SPECC1: variants seen among roughly 807,000 people sequenced by gnomAD.
SPECC1 encodes cytospin-B.
Under a neutral mutation model 104.1 loss-of-function variants are expected in SPECC1, and 62 were observed. The observed-to-expected ratio is 0.60, with a 90% CI of 0.49 to 0.74. The LOEUF (loss-of-function observed/expected upper bound fraction) is 0.74, where lower values mean the gene tolerates loss of function less well. SPECC1 is among the 30% of genes least tolerant of loss of function. The pLI is 0.00. For missense variants in SPECC1, 1,306 were observed against 1,310.5 expected (o/e 1.00, Z 0.05); for synonymous variants, 513 against 501.6 (o/e 1.02, Z -0.30).
intron 4 of SPECC1, among the ~76,000 whole-genome samples, chr17:20,207,593 AT>A (rs918531860): frequency 6.6e-6 from 1 of 152,146 alleles, no homozygotes; most frequent in Non-Finnish European, 1.5e-5. Flanking sequence ...AAAATAGCTT[AT>A]TTTTTTCTGA....
intron 3 of SPECC1, among the ~76,000 whole-genome samples, chr17:20,171,519 T>C (rs1209061543): frequency 6.6e-6 from 1 of 152,170 alleles, no homozygotes; most frequent in Non-Finnish European, 1.5e-5. Flanking sequence ...ACATGCCTTT[T>C]TCATTTACTG....
chr17:20,171,660 G>A (rs1567900101), intron 3 of SPECC1, among the ~76,000 whole-genome samples: 1 of 152,024 alleles, frequency 6.6e-6, no homozygotes, highest in Non-Finnish European at 1.5e-5. Flanking sequence ...TGATCCTCCT[G>A]CCTCAACCTC....
intron 4 of SPECC1, among the ~76,000 whole-genome samples, chr17:20,216,064 C>T (rs2037469796): frequency 1.3e-5 from 2 of 152,178 alleles, no homozygotes; most frequent in African/African-American, 4.8e-5. Context: ...ATTCACTTTA[C>T]AGATTAACAT....
chr17:20,118,218 G>A (rs997501588), intron 3 of SPECC1, among the ~76,000 whole-genome samples: 4 of 152,138 alleles, frequency 2.6e-5, no homozygotes, highest in African/African-American at 9.7e-5. Flanking sequence ...GTGTCATTAA[G>A]GGTGTAAAGA....
chr17:20,252,369 A>G (rs1288609460), intron 9 of SPECC1, among the ~76,000 whole-genome samples: 1 of 152,128 alleles, frequency 6.6e-6, no homozygotes, highest in Admixed American at 6.5e-5. Context: ...TGATCCCATC[A>G]CCCAAGTAGT....
intron 3 of SPECC1, among the ~76,000 whole-genome samples, chr17:20,121,159 C>G (rs919600867): frequency 1.3e-5 from 2 of 152,120 alleles, no homozygotes; most frequent in Non-Finnish European, 2.9e-5. Context: ...GCTGCTGTCT[C>G]TATTCATGCT....
intron 4 of SPECC1, among the ~76,000 whole-genome samples, chr17:20,210,903 G>A (rs1317051629): frequency 6.6e-6 from 1 of 152,152 alleles, no homozygotes; most frequent in Non-Finnish European, 1.5e-5. Context: ...TGCTCAGGGG[G>A]TTTTCTCGGC....
At chr17:20,080,922 G>A (rs1036968251) in intron 1 of SPECC1, among the ~76,000 whole-genome samples, 36 of 152,110 alleles carry the variant, frequency 2.4e-4, no homozygotes, top group Non-Finnish European at 3.2e-4. Context: ...CCTTCTTGCC[G>A]GCGTCACCCC....
chr17:20,290,627 T>C (rs6587063), intron 12 of SPECC1, among the ~76,000 whole-genome samples: 107,758 of 152,050 alleles, frequency 0.71, 39,986 homozygotes, highest in East Asian at 0.99. Flanking sequence ...CAATTCTCCC[T>C]CTTCAGCCTC....
At chr17:20,253,745 A>G (rs1479843915) in intron 10 of SPECC1, among the ~76,000 whole-genome samples, 159 bp downstream of exon 10, 1 of 152,232 alleles carries the variant, frequency 6.6e-6, no homozygotes, top group Non-Finnish European at 1.5e-5. Flanking sequence ...TGTTAGATGC[A>G]GCAGTGCAGC....
At chr17:20,313,893 C>T (rs1464163371) in intron 14 of SPECC1, 83 bp from the exon 15 acceptor site, 3 of 1,309,546 alleles carry the variant, frequency 2.3e-6, no homozygotes, top group Admixed American at 1.9e-5. Flanking sequence ...CAGTGTAAGC[C>T]CTAACCTGGA....
intron 4 of SPECC1, among the ~76,000 whole-genome samples, chr17:20,210,718 A>C (rs906162548): frequency 2.0e-5 from 3 of 152,170 alleles, no homozygotes; most frequent in Non-Finnish European, 4.4e-5. Flanking sequence ...CAAAGTACTC[A>C]CAGTGATCTG....
intron 1 of SPECC1, among the ~76,000 whole-genome samples, chr17:20,043,433 T>G (rs990624170): frequency 2.0e-5 from 3 of 152,252 alleles, no homozygotes; most frequent in Admixed American, 2.0e-4. Flanking sequence ...TCCTTTACAT[T>G]TATTAGCTGG....
At chr17:20,209,673 A>C (rs1277444780) in intron 4 of SPECC1, among the ~76,000 whole-genome samples, 1 of 152,108 alleles carries the variant, frequency 6.6e-6, no homozygotes, top group African/African-American at 2.4e-5. Context: ...ATACTTCTGT[A>C]CAACTTTGAG....
intron 3 of SPECC1, among the ~76,000 whole-genome samples, chr17:20,193,059 T>G (rs980925854): frequency 2.0e-5 from 3 of 152,196 alleles, no homozygotes; most frequent in Non-Finnish European, 4.4e-5. Context: ...TGGTTATTTT[T>G]TAATGATATG....
intron 3 of SPECC1, among the ~76,000 whole-genome samples, chr17:20,196,244 C>A (rs1208430465): frequency 6.6e-6 from 1 of 152,228 alleles, no homozygotes; most frequent in African/African-American, 2.4e-5. Context: ...CTTCAATAGT[C>A]TCAATTACAT....
intron 1 of SPECC1, chr17:20,017,996 G>T (rs563978031): frequency 3.9e-4 from 60 of 152,602 alleles, no homozygotes; most frequent in African/African-American, 1.4e-3. Flanking sequence ...GGCGTAGCGT[G>T]CCTCCTGTGA....
At chr17:20,027,343 G>T (rs1254426670) in intron 1 of SPECC1, among the ~76,000 whole-genome samples, 2 of 152,114 alleles carry the variant, frequency 1.3e-5, no homozygotes, top group Admixed American at 6.6e-5. Context: ...TTGATGGATG[G>T]ATAGTTTGCA....
intron 1 of SPECC1, chr17:20,095,699 G>C (rs879778026): frequency 6.6e-6 from 1 of 152,404 alleles, no homozygotes; most frequent in African/African-American, 2.4e-5. Flanking sequence ...CACTGTGAGA[G>C]TGGCAGTTAG....
Sources: gnomAD v4.1 joint callset for allele counts (sites outside exome capture counted in the v4.1 genomes callset) on GRCh38, gnomAD v4.1.1 for gene constraint, MANE v1.5 for transcripts, NCBI Gene and HGNC (gene_info 2026-07-23, HGNC 2026-07-21) for gene names.